Variants in WDPCP observed in about 807,000 individuals in gnomAD.
WDPCP encodes WD repeat containing planar cell polarity effector.
WDPCP carries 71 observed loss-of-function variants against 93.1 expected under a neutral mutation model. The ratio of observed to expected loss-of-function variants is 0.76; its 90% CI spans 0.63 to 0.93. The LOEUF is 0.93. Ranked by LOEUF, WDPCP falls within the 40% of genes least tolerant of loss-of-function variation. The pLI, the probability that WDPCP is intolerant of heterozygous loss-of-function variation, is 0.00. For missense variants in WDPCP, 844 were observed against 887.4 expected (o/e 0.95, Z 0.62); for synonymous variants, 315 against 315.0 (o/e 1.00, Z 0.00).
chr2:63,784,245 C>T (rs1024544133), intron 2 of WDPCP, among the ~76,000 whole-genome samples: 11 of 152,098 alleles, frequency 7.2e-5, no homozygotes, highest in Non-Finnish European at 1.3e-4. Context: ...CCAGTATCAT[C>T]AAGAAGGTCC....
chr2:63,474,240 G>A (rs72821632), intron 6 of WDPCP, among the ~76,000 whole-genome samples: 28,247 of 151,916 alleles, frequency 0.19, 3,347 homozygotes, highest in Non-Finnish European at 0.24. Context: ...AACTAGAATT[G>A]TGTCTTCCAG....
At chr2:63,262,636 G>A (rs535758803) in intron 13 of WDPCP, among the ~76,000 whole-genome samples, 67 of 151,580 alleles carry the variant, frequency 4.4e-4, no homozygotes, top group South Asian at 2.3e-3. Context: ...ATGTTTAGAC[G>A]TAAGTGTGGG....
chr2:63,582,454 C>A (rs1262425866), intron 1 of WDPCP, among the ~76,000 whole-genome samples: 1 of 152,122 alleles, frequency 6.6e-6, no homozygotes, highest in Non-Finnish European at 1.5e-5. Flanking sequence ...ATATAACTGT[C>A]ATCCCCAAAA....
At chr2:63,353,461 T>C (rs1224018443) in intron 12 of WDPCP, among the ~76,000 whole-genome samples, 1 of 152,138 alleles carries the variant, frequency 6.6e-6, no homozygotes, top group East Asian at 1.9e-4. Flanking sequence ...GTAGTAGCAT[T>C]GCACCTCCCT....
chr2:63,522,451 G>GAAAGACACACAC (rs1553420212), intron 1 of WDPCP, among the ~76,000 whole-genome samples: 102 of 92,056 alleles, frequency 1.1e-3, no homozygotes, highest in African/African-American at 4.0e-3. Context: ...CAGACAGACA[G>GAAAGACACACAC]ACAGACACAC....
intron 13 of WDPCP, among the ~76,000 whole-genome samples, chr2:63,261,117 T>C (rs182998569): frequency 4.6e-5 from 7 of 152,134 alleles, no homozygotes; most frequent in African/African-American, 7.2e-5. Context: ...AACGAGAACA[T>C]TGTTTGAATT....
At chr2:63,768,339 C>CTTTTTTTTTTTT (rs575874605) in intron 2 of WDPCP, among the ~76,000 whole-genome samples, 2 of 137,454 alleles carry the variant, frequency 1.5e-5, no homozygotes, top group Admixed American at 7.2e-5. Flanking sequence ...ATTTTTGTTC[C>CTTTTTTTTTTTT]TTTTTTTTTT....
intron 1 of WDPCP, among the ~76,000 whole-genome samples, chr2:63,527,558 T>G (rs1445095118): frequency 1.3e-5 from 2 of 152,032 alleles, no homozygotes; most frequent in Non-Finnish European, 1.5e-5. Flanking sequence ...CTCATCCTTT[T>G]TTATGGCTGC....
intron 14 of WDPCP, among the ~76,000 whole-genome samples, chr2:63,219,582 A>G (rs558127308): frequency 1.7e-4 from 26 of 152,366 alleles, no homozygotes; most frequent in African/African-American, 5.8e-4. Flanking sequence ...TTTTAACAAA[A>G]TTGTTAAAAC....
At chr2:63,603,504 T>C (rs772184221) in intron 3 of WDPCP, among the ~76,000 whole-genome samples, 1 of 152,100 alleles carries the variant, frequency 6.6e-6, no homozygotes, top group Non-Finnish European at 1.5e-5. Context: ...TCTTAAAATA[T>C]TTTTCCACAT....
rs1690173026 is a variant in WDPCP at position 63,358,265 on chromosome 2, G to A, written c.1748+20121C>T. On this transcript the variant is annotated intron_variant, in intron 12 of 17. Transcript: ENST00000272321. Reference sequence around the variant, plus strand: ...TAAAAAAGAAAAAAAAATCATGGTTGTATTTGCATTCTTATAATATTTCAG... The same window carrying A: ...TAAAAAAGAAAAAAAAATCATGGTTATATTTGCATTCTTATAATATTTCAG... Among the ~76,000 whole-genome samples the A allele has an allele frequency of 2.6e-5, 4 of 151,902 alleles. No homozygotes were observed. In the South Asian group the frequency reaches 8.3e-4, roughly 32 times the overall value.
intron 13 of WDPCP, among the ~76,000 whole-genome samples, chr2:63,282,491 C>T (rs575035776): frequency 2.0e-5 from 3 of 152,156 alleles, no homozygotes; most frequent in African/African-American, 2.4e-5. Context: ...GGCGACAGAG[C>T]GAGACTCTGT....
Position 63,766,720 on chromosome 2 carries a change from CAA to C in WDPCP, n.308+46900_308+46901del, listed in dbSNP as rs150668761. 4.1e-3 allele frequency among the ~76,000 whole-genome samples: 623 copies of C among 152,244 alleles called. 3 individuals are homozygous for C. Among genetic ancestry groups the C allele is most frequent in the African/African-American group, 0.014 (583 of 41,540 alleles). On this transcript the variant is annotated intron_variant and non_coding_transcript_variant, in intron 2 of 4. Transcript: ENST00000467687. ...AGACAGTGAATATATGCATCACTCT[CAA>C]AAGACTCTTCTTATCAAAATACACA...
chr2:63,289,346 CAT>C (rs1054954173), intron 13 of WDPCP, among the ~76,000 whole-genome samples: 33 of 152,126 alleles, frequency 2.2e-4, no homozygotes, highest in African/African-American at 7.0e-4. Context: ...TTTTATGCTA[CAT>C]GTTATAATCA....
rs1710279169 is a variant in WDPCP, at chr2:63,666,084, G to A, written n.309-15246C>T. ...GTAGGATATTTACACTGAAACTTCTGTGTTTCAAAATGAAGACATAATTTT... is the reference window on the plus strand; with the variant it reads ...GTAGGATATTTACACTGAAACTTCTATGTTTCAAAATGAAGACATAATTTT... On this transcript the variant is annotated intron_variant and non_coding_transcript_variant, in intron 2 of 4. Coordinates refer to the WDPCP transcript ENST00000467687. 3.9e-5 allele frequency among the ~76,000 whole-genome samples: 6 copies of A among 152,298 alleles called. No individual in the cohort carries two copies. In the South Asian group the frequency reaches 1.2e-3, roughly 32 times the overall value.
In WDPCP at chr2:63,189,765, T is replaced by A. The variant is rs17408939; in HGVS notation, c.1916-14933A>T. Among the ~76,000 whole-genome samples, 619 of 152,292 alleles carry A rather than the reference T, an allele frequency of 4.1e-3. 5 individuals are homozygous for A. The highest frequency in any genetic ancestry group is 9.3e-3 in the South Asian group (45 of 4,824). On this transcript the variant is annotated intron_variant, in intron 14 of 17. Transcript: ENST00000272321. ...CCTCCCAAAACTTTCTGTAATACAT[T>A]CTGCTTGGATATGCTAGTACTATTT...
intron 1 of WDPCP, among the ~76,000 whole-genome samples, chr2:63,580,414 C>A (rs1708418697): frequency 6.6e-6 from 1 of 152,138 alleles, no homozygotes; most frequent in Non-Finnish European, 1.5e-5. Context: ...GTAAAGAAAT[C>A]TGGTGAATAC....
chr2:63,496,179 T>C (rs1420515076), intron 1 of WDPCP, among the ~76,000 whole-genome samples: 1 of 152,242 alleles, frequency 6.6e-6, no homozygotes, highest in African/African-American at 2.4e-5. Flanking sequence ...AAATGTCTTA[T>C]GTAAATTAAA....
chr2:63,677,018 T>G (rs1201694288), intron 2 of WDPCP, among the ~76,000 whole-genome samples: 1 of 152,180 alleles, frequency 6.6e-6, no homozygotes, highest in Non-Finnish European at 1.5e-5. Context: ...AAAAAAATGT[T>G]TTTAAAAACT....
Sources: gnomAD v4.1 joint callset for allele counts (sites outside exome capture counted in the v4.1 genomes callset) on GRCh38, gnomAD v4.1.1 for gene constraint, MANE v1.5 for transcripts, NCBI Gene and HGNC (gene_info 2026-07-23, HGNC 2026-07-21) for gene names.